Variants in PIK3C2G observed in about 807,000 individuals in gnomAD.
PIK3C2G encodes phosphatidylinositol 3-kinase C2 domain-containing subunit gamma.
PIK3C2G carries 168 observed loss-of-function variants against 181.1 expected under a neutral mutation model. The observed-to-expected ratio is 0.93, with a 90% CI of 0.82 to 1.05. PIK3C2G has a LOEUF of 1.05. Ranked by LOEUF, PIK3C2G falls within the 50% of genes least tolerant of loss-of-function variation. The pLI is 0.00. For missense variants in PIK3C2G, 1,869 were observed against 1,732.8 expected (o/e 1.08, Z -1.40); for synonymous variants, 573 against 592.2 (o/e 0.97, Z 0.47).
chr12:18,399,163 C>G (rs1259798583), intron 15 of PIK3C2G, among the ~76,000 whole-genome samples: 1 of 143,370 alleles, frequency 7.0e-6, no homozygotes, highest in East Asian at 2.0e-4. Flanking sequence ...CCACTGCACT[C>G]CAGCCTGGGT....
At chr12:18,309,359 T>C (rs1950548905) in intron 5 of PIK3C2G, among the ~76,000 whole-genome samples, 1 of 151,814 alleles carries the variant, frequency 6.6e-6, no homozygotes. Context: ...ATGAGAAAAG[T>C]CTATAAGTAT....
intron 26 of PIK3C2G, among the ~76,000 whole-genome samples, chr12:18,560,813 A>C (rs1945306563): frequency 6.6e-6 from 1 of 152,198 alleles, no homozygotes; most frequent in Non-Finnish European, 1.5e-5. Context: ...AAAATGACCC[A>C]GAAAAACCAA....
chr12:18,405,889 G>A (rs1412755159), intron 16 of PIK3C2G, among the ~76,000 whole-genome samples: 1 of 152,036 alleles, frequency 6.6e-6, no homozygotes, highest in African/African-American at 2.4e-5. Context: ...TGTTTAGAAT[G>A]TTAAAAATTT....
intron 25 of PIK3C2G, among the ~76,000 whole-genome samples, chr12:18,543,922 C>T (rs1944294551): frequency 6.6e-6 from 1 of 151,818 alleles, no homozygotes; most frequent in African/African-American, 2.4e-5. Flanking sequence ...TTCCTGTTCT[C>T]AAAGAACTTA....
At chr12:18,659,171 T>A in the PIK3C2G span, among the ~76,000 whole-genome samples, 1 of 152,146 alleles carries the variant, frequency 6.6e-6, no homozygotes, top group Non-Finnish European at 1.5e-5. Context: ...ATATTATAGT[T>A]GGAGCTAATA....
At chr12:18,586,503 T>G (rs1946786549) in intron 29 of PIK3C2G, among the ~76,000 whole-genome samples, 1 of 151,532 alleles carries the variant, frequency 6.6e-6, no homozygotes, top group Admixed American at 6.6e-5. Context: ...CTGGACACCA[T>G]CCCAAGACTG....
chr12:18,529,489 G>A (rs1943428156), intron 24 of PIK3C2G, among the ~76,000 whole-genome samples: 1 of 152,150 alleles, frequency 6.6e-6, no homozygotes, highest in Non-Finnish European at 1.5e-5. Flanking sequence ...GAACTGTTGG[G>A]AAGCAACCCA....
intron 17 of PIK3C2G, among the ~76,000 whole-genome samples, chr12:18,423,151 G>A (rs1382088025): frequency 1.4e-5 from 2 of 147,890 alleles, no homozygotes; most frequent in African/African-American, 5.0e-5. Context: ...GAGAGAGTGT[G>A]TGTGTGTGTG....
chr12:18,580,528 G>C (rs1946443045), intron 29 of PIK3C2G, among the ~76,000 whole-genome samples: 1 of 152,178 alleles, frequency 6.6e-6, no homozygotes, highest in Admixed American at 6.5e-5. Flanking sequence ...TTTGGAGCTA[G>C]CTGAGATTAT....
At chr12:18,656,833 T>C in the PIK3C2G span, among the ~76,000 whole-genome samples, 1 of 152,136 alleles carries the variant, frequency 6.6e-6, no homozygotes, top group Non-Finnish European at 1.5e-5. Context: ...ACCAATCAAA[T>C]TTTGCAACAA....
chr12:18,529,495 A>G (rs1248926945), intron 24 of PIK3C2G, among the ~76,000 whole-genome samples: 4 of 152,160 alleles, frequency 2.6e-5, no homozygotes, highest in Admixed American at 2.0e-4. Flanking sequence ...TTGGGAAGCA[A>G]CCCAGTGGTA....
chr12:18,362,933 C>T (rs1192606954), intron 12 of PIK3C2G, 47 bp downstream of exon 12: 2 of 1,364,756 alleles, frequency 1.5e-6, no homozygotes, highest in Non-Finnish European at 1.9e-6. Context: ...TAATAAATGT[C>T]AGCTTTTTCC....
At chr12:18,690,940 T>C in the PIK3C2G span, among the ~76,000 whole-genome samples, 1 of 152,062 alleles carries the variant, frequency 6.6e-6, no homozygotes, top group African/African-American at 2.4e-5. Flanking sequence ...CAAATAAATA[T>C]TACGTATGCA....
chr12:18,713,894 C>T, the PIK3C2G span: 2 of 152,136 alleles, frequency 1.3e-5, no homozygotes. Flanking sequence ...ATCAGTTGTA[C>T]CCACTGTGTT....
At chr12:18,258,107 C>G (rs1948166378), upstream of PIK3C2G, among the ~76,000 whole-genome samples, 1 of 152,000 alleles carries the variant, frequency 6.6e-6, no homozygotes, top group Non-Finnish European at 1.5e-5. Context: ...CACAGAAGAG[C>G]ATATATTATT....
intron 26 of PIK3C2G, among the ~76,000 whole-genome samples, chr12:18,550,661 G>T (rs1944681902): frequency 6.6e-6 from 1 of 151,932 alleles, no homozygotes; most frequent in Admixed American, 6.6e-5. Flanking sequence ...TAAACTCCTT[G>T]TTCTTTTTAT....
At chr12:18,525,778 G>A (rs749397581) in intron 24 of PIK3C2G, among the ~76,000 whole-genome samples, 58 of 152,182 alleles carry the variant, frequency 3.8e-4, no homozygotes, top group Non-Finnish European at 6.5e-4. Context: ...TGCATAACAG[G>A]ACATAAATCC....
chr12:18,273,524 C>G (rs1251347880), intron 1 of PIK3C2G, among the ~76,000 whole-genome samples: 1 of 152,054 alleles, frequency 6.6e-6, no homozygotes, highest in Admixed American at 6.6e-5. Context: ...TCATTGGTAG[C>G]TTGATGGGGA....
intron 11 of PIK3C2G, chr12:18,358,487 C>G (rs1052900202): frequency 4.1e-6 from 1 of 243,560 alleles, no homozygotes; most frequent in Non-Finnish European, 8.3e-6. Context: ...AGAAATTTGA[C>G]TCTCAGGACC....
Sources: gnomAD v4.1 joint callset for allele counts (sites outside exome capture counted in the v4.1 genomes callset) on GRCh38, gnomAD v4.1.1 for gene constraint, MANE v1.5 for transcripts, NCBI Gene and HGNC (gene_info 2026-07-23, HGNC 2026-07-21) for gene names.